FRMD4B: variants seen among roughly 807,000 people sequenced by gnomAD.
FRMD4B encodes FERM domain-containing protein 4B.
FRMD4B carries 74 observed loss-of-function variants against 141.5 expected under a neutral mutation model. The ratio of observed to expected loss-of-function variants is 0.52; its 90% CI spans 0.43 to 0.63. The LOEUF (loss-of-function observed/expected upper bound fraction) is 0.63, where lower values mean the gene tolerates loss of function less well. Among genes scored for constraint, FRMD4B ranks in the 30% least tolerant of loss-of-function variants. The probability of loss-of-function intolerance (pLI) is 0.00; values close to 1 mark genes in which losing one functional copy is unlikely to be tolerated. For synonymous variants in FRMD4B, 506 were observed against 467.9 expected, an observed-to-expected ratio of 1.08 and a Z score of -1.05; for missense variants, 1,366 against 1,253.4, an observed-to-expected ratio of 1.09 and a Z score of -1.36.
chr3:69,511,617 C>T (rs1706689572), intron 1 of FRMD4B, among the ~76,000 whole-genome samples: 1 of 152,214 alleles, frequency 6.6e-6, no homozygotes, highest in Admixed American at 6.5e-5. Flanking sequence ...CAATGGCTCC[C>T]ATTCCTATCA....
At chr3:69,238,817 C>A (rs1351342304) in intron 7 of FRMD4B, among the ~76,000 whole-genome samples, 1 of 152,094 alleles carries the variant, frequency 6.6e-6, no homozygotes, top group Non-Finnish European at 1.5e-5. Context: ...TCCTTCCTTT[C>A]TGAAGGTAGC....
chr3:69,322,379 G>T lies in FRMD4B; in HGVS notation c.163-8862C>A, dbSNP rs946525886. On this transcript the variant is annotated intron_variant, in intron 1 of 22. Transcript: ENST00000398540. Reference sequence around the variant, plus strand: ...GATGTCTCCAAATGGAGTCAGCTGTGATTTTCCCTCAAGTTCTTTCAAGAC... The same window carrying T: ...GATGTCTCCAAATGGAGTCAGCTGTTATTTTCCCTCAAGTTCTTTCAAGAC... Among the ~76,000 whole-genome samples the T allele has an allele frequency of 6.6e-5, 10 of 152,106 alleles. 1 individual carries two copies. The highest frequency in any genetic ancestry group is 4.8e-5 in the African/African-American group (2 of 41,418).
At chr3:69,401,449 A>T (rs1704562067) in intron 2 of FRMD4B, among the ~76,000 whole-genome samples, 1 of 152,228 alleles carries the variant, frequency 6.6e-6, no homozygotes, top group Non-Finnish European at 1.5e-5. Flanking sequence ...TCTTTCTAAA[A>T]ATTCAATAAG....
At chr3:69,205,853 T>C (rs1352598783) in intron 11 of FRMD4B, among the ~76,000 whole-genome samples, 7 of 152,208 alleles carry the variant, frequency 4.6e-5, no homozygotes, top group Non-Finnish European at 1.0e-4. Context: ...ATTTTTACTC[T>C]GAAACAATTA....
intron 2 of FRMD4B, among the ~76,000 whole-genome samples, chr3:69,395,881 T>C (rs2106736782): frequency 6.6e-6 from 1 of 152,264 alleles, no homozygotes; most frequent in Admixed American, 6.5e-5. Context: ...ACTGCATGCT[T>C]TGGTCTTGAG....
chr3:69,193,855 G>T lies in FRMD4B; in HGVS notation c.1507C>A (p.Leu503Met). 1 of 1,609,510 alleles carries T rather than the reference G, an allele frequency of 6.2e-7. No individual in the cohort carries two copies. The highest frequency in any genetic ancestry group is 8.5e-7 in the Non-Finnish European group (1 of 1,176,734). ...TGTTGTATTAGAAAATTACTCTCCA[G>T]TTCTTGCAAAGCAGGATCCTGCATT... ...PSEEDPALQE[L>M]ESNFLIQQKL... is the part of the protein sequence containing the mutation. The change falls in exon 17 of 23, where the codon CTG becomes ATG. Residue 503 changes from leucine to methionine, a missense_variant. Transcript: ENST00000398540.
At chr3:69,477,079 G>T (rs1006630181) in intron 1 of FRMD4B, among the ~76,000 whole-genome samples, 1 of 152,174 alleles carries the variant, frequency 6.6e-6, no homozygotes, top group Non-Finnish European at 1.5e-5. Context: ...TGCTGAGGTT[G>T]CTTACCAGCT....
chr3:69,535,504 C>T (rs1701070644), intron 1 of FRMD4B, among the ~76,000 whole-genome samples: 1 of 152,158 alleles, frequency 6.6e-6, no homozygotes, highest in African/African-American at 2.4e-5. Flanking sequence ...TACATCTGCA[C>T]AAGATTTTGT....
intron 5 of FRMD4B, among the ~76,000 whole-genome samples, chr3:69,280,175 C>T (rs1361838411): frequency 3.9e-5 from 6 of 152,112 alleles, no homozygotes; most frequent in African/African-American, 9.7e-5. Context: ...GAATGCTTCC[C>T]GGGTTCCCCA....
intron 1 of FRMD4B, among the ~76,000 whole-genome samples, chr3:69,367,423 T>C (rs187849479): frequency 2.0e-5 from 3 of 152,276 alleles, no homozygotes; most frequent in East Asian, 3.9e-4. Context: ...CACACATTGC[T>C]TGCATATATC....
chr3:69,419,671 C>T (rs1002909096), intron 2 of FRMD4B, among the ~76,000 whole-genome samples: 4 of 152,122 alleles, frequency 2.6e-5, no homozygotes, highest in Non-Finnish European at 4.4e-5. Flanking sequence ...GTGCCCATGA[C>T]ATAGGATGCA....
At chr3:69,464,588 T>A (rs183007785) in intron 1 of FRMD4B, among the ~76,000 whole-genome samples, 2 of 152,198 alleles carry the variant, frequency 1.3e-5, no homozygotes, top group African/African-American at 4.8e-5. Flanking sequence ...CCCTTTCTTA[T>A]AGAAGTGGTC....
intron 1 of FRMD4B, chr3:69,376,781 A>T (rs1703982527): frequency 6.6e-6 from 1 of 152,030 alleles, no homozygotes; most frequent in South Asian, 2.1e-4. Context: ...CCATGTTGTA[A>T]GTCATATGGT....
At chr3:69,341,237 GA>G (rs771962644) in intron 1 of FRMD4B, among the ~76,000 whole-genome samples, 102 of 152,136 alleles carry the variant, frequency 6.7e-4, no homozygotes, top group Admixed American at 2.0e-3. Flanking sequence ...CAGTTACCAC[GA>G]ACAACCTCCT....
chr3:69,260,731 C>G (rs2093521692), intron 5 of FRMD4B, among the ~76,000 whole-genome samples: 1 of 152,252 alleles, frequency 6.6e-6, no homozygotes, highest in Admixed American at 6.5e-5. Context: ...TAAGTAGGAA[C>G]TTGGAGAACT....
intron 1 of FRMD4B, among the ~76,000 whole-genome samples, chr3:69,374,915 G>A (rs779255657): frequency 1.1e-4 from 17 of 152,116 alleles, no homozygotes; most frequent in Non-Finnish European, 2.4e-4. Context: ...GAAATTACGT[G>A]CATAAGAAAT....
chr3:69,408,809 A>G (rs74550098), intron 2 of FRMD4B, among the ~76,000 whole-genome samples: 1 of 152,196 alleles, frequency 6.6e-6, no homozygotes, highest in East Asian at 1.9e-4. Flanking sequence ...AGCAGGGAAG[A>G]GTCGACGACT....
rs760803226 is a variant in FRMD4B at position 69,176,611 on chromosome 3, A to G, written c.2897T>C (p.Ile966Thr). The change falls in exon 22 of 23, where the codon ATA becomes ACA. Residue 966 changes from isoleucine to threonine, a missense_variant. By Grantham distance (89) the Ile-to-Thr change is moderately conservative. Transcript: ENST00000398540. Reference sequence around the variant, plus strand: ...TGGAGTCTCGTAATCCGACAGCCCTATGGTTAACTGGGTCCTCCAGTTCCC... The same window carrying G: ...TGGAGTCTCGTAATCCGACAGCCCTGTGGTTAACTGGGTCCTCCAGTTCCC... The part of the protein sequence containing the change: ...ASGNWRTQLT[I>T]GLSDYETPAH... 6 of 1,605,978 alleles carry G rather than the reference A, an allele frequency of 3.7e-6. No individual in the cohort carries two copies. The highest frequency in any genetic ancestry group is 2.7e-5 in the African/African-American group (2 of 74,776).
intron 1 of FRMD4B, among the ~76,000 whole-genome samples, chr3:69,510,244 A>C (rs1706667645): frequency 2.6e-5 from 4 of 152,162 alleles, no homozygotes; most frequent in Admixed American, 2.6e-4. Flanking sequence ...CTCAAACTCC[A>C]CAAAAAATTA....
Sources: gnomAD v4.1 joint callset for allele counts (sites outside exome capture counted in the v4.1 genomes callset) on GRCh38, gnomAD v4.1.1 for gene constraint, MANE v1.5 for transcripts, NCBI Gene and HGNC (gene_info 2026-07-23, HGNC 2026-07-21) for gene names.